The following MMP25 variants were observed in gnomAD, a reference collection of about 807,000 sequenced individuals.
MMP25 encodes the protein matrix metalloproteinase-25.
In MMP25, 68 loss-of-function variants were observed where a neutral mutation model predicts 62.1. That is an observed-to-expected ratio of 1.10 (90% CI 0.90 to 1.34). MMP25 has a LOEUF of 1.34. Among genes scored for constraint, MMP25 ranks in the 40% most tolerant of loss-of-function variants. The pLI is 0.00. For missense variants in MMP25, 942 were observed against 792.5 expected (o/e 1.19, Z -2.26); for synonymous variants, 407 against 345.6 (o/e 1.18, Z -1.97).
At chr16:3,055,839 C>A in intron 4 of MMP25, 2 of 455,344 alleles carry the variant, frequency 4.4e-6, no homozygotes, top group Non-Finnish European at 8.8e-6. Flanking sequence ...GGCCTCTCAG[C>A]AGCTGGAGCA....
chr16:3,057,472 G>GGTCC, intron 6 of MMP25, 59 bp from the exon 7 acceptor site: 1 of 1,597,352 alleles, frequency 6.3e-7, no homozygotes, highest in Non-Finnish European at 8.6e-7. Flanking sequence ...GGATGGTGGG[G>GGTCC]GTCCCTGCCT....
chr16:3,059,829 C>G lies in MMP25; in HGVS notation c.*731C>G, dbSNP rs1269951832. ...TGGAATCAGTGGCTGGAGGGACGAC[C>G]CTTGCTCTCCAGGCTGTTAACCTTT... On this transcript the variant is annotated 3_prime_UTR_variant, in exon 10 of 10. Coordinates refer to ENST00000336577, the MANE Select transcript of MMP25 (RefSeq NM_022468.5). The G allele has an allele frequency of 6.6e-6, 1 of 152,304 alleles. No homozygotes were observed. The highest frequency in any genetic ancestry group is 1.5e-5 in the Non-Finnish European group (1 of 68,162). The allele number at this position is 152,304 out of a possible 1,614,324, so 9.4% of individuals were successfully genotyped here. A position where few individuals can be genotyped will look rare whatever the true frequency, so the allele number is the denominator to read the frequency against.
chr16:3,050,169 C>A, intron 3 of MMP25, 25 bp downstream of exon 3: 1 of 1,587,282 alleles, frequency 6.3e-7, no homozygotes, highest in Non-Finnish European at 8.6e-7. Context: ...CCACCCGCAC[C>A]CTGGCCCTGC....
intron 2 of MMP25, among the ~76,000 whole-genome samples, chr16:3,049,039 C>G (rs1205671404): frequency 6.6e-6 from 1 of 152,018 alleles, no homozygotes; most frequent in African/African-American, 2.4e-5. Context: ...AACTCTTAGC[C>G]TCAAGCGATC....
intron 4 of MMP25, among the ~76,000 whole-genome samples, chr16:3,050,938 G>A (rs1955893765): frequency 1.3e-5 from 2 of 151,702 alleles, no homozygotes; most frequent in South Asian, 4.2e-4. Flanking sequence ...CCACAGATGT[G>A]CACCACCACA....
At position 3,050,100 on chromosome 16, in the gene MMP25, C is replaced by A; in HGVS notation, c.324C>A (p.Tyr108Ter). ...GGCTGGTCAGGCGGCGTCGCCGGTA[C>A]GCTCTGAGCGGCAGCGTGTGGAAGA... ...VAGLVRRRRRYALSGSVWKKR... is the reference protein window; with the variant it reads ...VAGLVRRRRR The change falls in exon 3 of 10, where the codon TAC becomes TAA. Residue 108 changes from tyrosine (Y) to a stop codon, truncating the protein, a stop_gained. Coordinates refer to ENST00000336577, the MANE Select transcript of MMP25 (RefSeq NM_022468.5). LOFTEE classifies it high-confidence loss of function. The A allele has an allele frequency of 3.1e-6, 5 of 1,610,894 alleles. No individual in the cohort carries two copies. Among genetic ancestry groups the A allele is most frequent in the Non-Finnish European group, 4.2e-6 (5 of 1,179,190 alleles).
intron 9 of MMP25, 28 bp from the exon 10 acceptor site, chr16:3,058,799 G>T (rs1348950756): frequency 6.0e-6 from 9 of 1,498,660 alleles, no homozygotes; most frequent in Non-Finnish European, 7.1e-6. Context: ...GGCGGGGAGG[G>T]ACCGGGACTC....
intron 4 of MMP25, 102 bp downstream of exon 4, chr16:3,050,648 C>G (rs1955889753): frequency 1.6e-6 from 2 of 1,262,108 alleles, no homozygotes; most frequent in African/African-American, 3.0e-5. Context: ...AGGTCTTGCT[C>G]TGTTGCTCAG....
At chr16:3,055,941 C>T (rs1351680474) in intron 4 of MMP25, 3 of 455,580 alleles carry the variant, frequency 6.6e-6, no homozygotes, top group Non-Finnish European at 1.3e-5. Flanking sequence ...TCCTGAGCGC[C>T]TGAGCTGAAT....
chr16:3,048,073 A>G (rs1955847021), intron 2 of MMP25, among the ~76,000 whole-genome samples: 1 of 152,198 alleles, frequency 6.6e-6, no homozygotes, highest in Non-Finnish European at 1.5e-5. Context: ...TCCTGGCCTC[A>G]GGTAACCCGC....
chr16:3,049,906 C>T, intron 2 of MMP25, 103 bp from the exon 3 acceptor site: 1 of 1,540,206 alleles, frequency 6.5e-7, no homozygotes, highest in South Asian at 1.1e-5. Context: ...TTTCTTGAGC[C>T]CTCTGAGCCT....
intron 4 of MMP25, among the ~76,000 whole-genome samples, chr16:3,055,335 G>A (rs534389082): frequency 3.9e-5 from 6 of 152,284 alleles, no homozygotes; most frequent in Admixed American, 6.5e-5. Flanking sequence ...AGGCAGGGAA[G>A]AAGGTGAGAG....
chr16:3,054,525 A>T (rs1415363582), intron 4 of MMP25: 1 of 20,098 alleles, frequency 5.0e-5, no homozygotes, highest in South Asian at 1.4e-3. Flanking sequence ...GGCAGGGATG[A>T]ATGGACAGAT....
At chr16:3,058,384 C>T (rs1956052321) in intron 8 of MMP25, 28 bp from the exon 9 acceptor site, 4 of 1,509,786 alleles carry the variant, frequency 2.6e-6, no homozygotes, top group African/African-American at 1.4e-5. Context: ...GGGAGCCCAC[C>T]CCTGACCTCC....
chr16:3,049,981 A>AC (rs758409989), intron 2 of MMP25, 28 bp from the exon 3 acceptor site: 97 of 1,604,632 alleles, frequency 6.0e-5, no homozygotes, highest in Non-Finnish European at 7.8e-5. Flanking sequence ...TTGTGGACAC[A>AC]CCCCCCACCG....
rs371688318 is a variant in MMP25, at chr16:3,057,481, C to G, written c.924-50C>G. The G allele has an allele frequency of 1.8e-5, 29 of 1,600,578 alleles. No individual in the cohort carries two copies. In the African/African-American group the frequency reaches 3.2e-4, roughly 18 times the overall value. ...AGATGGGGATGGTGGGGGTCCCTGC[C>G]TTGGAGAAAACAAACCCCCCTCTCT... is the stretch of plus-strand genomic sequence containing the variant. On this transcript the variant is annotated intron_variant, in intron 6 of 9. Coordinates refer to ENST00000336577, the MANE Select transcript of MMP25 (RefSeq NM_022468.5).
At chr16:3,049,891 G>A in intron 2 of MMP25, 118 bp from the exon 3 acceptor site, 3 of 1,468,922 alleles carry the variant, frequency 2.0e-6, no homozygotes, top group Non-Finnish European at 2.8e-6. Context: ...GCCTTCGAGG[G>A]CACATTTCTT....
In MMP25 at chr16:3,057,109, C is replaced by G. The variant is rs1297531598; in HGVS notation, c.738C>G (p.Ala246=). 6.2e-7 allele frequency: 1 copy of G among 1,613,274 alleles called. No individual in the cohort carries two copies. Among genetic ancestry groups the G allele is most frequent in the African/African-American group, 1.3e-5 (1 of 74,880 alleles). ...GHALGLGHSS[A]PNSIMRPFYQ... ...CCCTGGGCCTGGGCCACTCCTCAGC[C>G]CCCAACTCCATTATGAGGCCCTTCT... The change falls in exon 5 of 10, where the codon GCC becomes GCG. Residue 246 remains alanine, a synonymous_variant. Transcript: ENST00000336577.
Position 3,058,485 on chromosome 16 carries a change from C to G in MMP25, c.1233C>G (p.Pro411=), listed in dbSNP as rs766331063. ...GGCCGCTCACGGAGCTGGGGCTGCC[C>G]CCGGGAGAGGAGGTGGACGCCGTGT... ...GARPLTELGL[P]PGEEVDAVFS... is the part of the protein sequence containing the mutation. Residue 411 remains proline (P), a synonymous_variant, in exon 9 of 10, where the codon CCC becomes CCG. Transcript: ENST00000336577. 6.2e-7 allele frequency: 1 copy of G among 1,607,534 alleles called. No homozygotes were observed.
Sources: gnomAD v4.1 joint callset for allele counts (sites outside exome capture counted in the v4.1 genomes callset) on GRCh38, gnomAD v4.1.1 for gene constraint, MANE v1.5 for transcripts, NCBI Gene and HGNC (gene_info 2026-07-23, HGNC 2026-07-21) for gene names.